The following ATP8A2 variants were observed in gnomAD, a reference collection of about 807,000 sequenced individuals.
ATP8A2 encodes phospholipid-transporting ATPase IB.
A neutral mutation model predicts 165.6 loss-of-function variants in ATP8A2; 100 were observed. The observed-to-expected ratio is 0.60, with a 90% CI of 0.51 to 0.71. ATP8A2 has a LOEUF of 0.71. Ranked by LOEUF, ATP8A2 falls within the 30% of genes least tolerant of loss-of-function variation. ATP8A2 has a pLI of 0.00. For synonymous variants in ATP8A2, 543 were observed against 548.8 expected (o/e 0.99, Z 0.15); for missense variants, 1,227 against 1,479.5 (o/e 0.83, Z 2.80).
intron 16 of ATP8A2, 23 bp from the exon 17 acceptor site, chr13:25,570,744 C>T: frequency 1.3e-6 from 2 of 1,597,054 alleles, no homozygotes; most frequent in Non-Finnish European, 1.7e-6. Context: ...GTATCTGACA[C>T]TAATCCCGCC....
At chr13:25,876,134 CG>C (rs760824442) in intron 33 of ATP8A2, among the ~76,000 whole-genome samples, 11 of 152,094 alleles carry the variant, frequency 7.2e-5, no homozygotes, top group Non-Finnish European at 1.6e-4. Context: ...GATGATTTCA[CG>C]GAAGAAATAG....
chr13:25,878,680 A>G (rs958741863), intron 33 of ATP8A2, among the ~76,000 whole-genome samples: 2 of 151,988 alleles, frequency 1.3e-5, no homozygotes, highest in African/African-American at 2.4e-5. Context: ...AGTAGGTCTC[A>G]GCTTCATTTT....
rs41291658 is a variant in ATP8A2, at chr13:26,023,485, G to A, written c.*3500G>A. The A allele has an allele frequency of 0.036, 5,409 of 151,768 alleles. 128 individuals are homozygous for A. Among genetic ancestry groups the A allele is most frequent in the Non-Finnish European group, 0.053 (3,580 of 67,996 alleles). 9.4% of individuals were successfully genotyped at this position (151,768 alleles called of 1,614,324 possible). A position where few individuals can be genotyped will look rare whatever the true frequency, so the allele number is the denominator to read the frequency against. ...CTTGTCAAGAAGCAGTGAAAAATGC[G>A]GGGGGGTGGAAAGAGCCTAGGTAAC... On this transcript the variant is annotated 3_prime_UTR_variant, in exon 37 of 37. Transcript: ENST00000381655.
chr13:26,005,642 A>T (rs569513754), intron 35 of ATP8A2, among the ~76,000 whole-genome samples: 1 of 152,038 alleles, frequency 6.6e-6, no homozygotes, highest in East Asian at 1.9e-4. Context: ...TTCCATTTTC[A>T]TTTGTTTCAA....
intron 24 of ATP8A2, among the ~76,000 whole-genome samples, chr13:25,601,437 T>C (rs373425831): frequency 1.3e-5 from 2 of 152,294 alleles, no homozygotes; most frequent in East Asian, 3.9e-4. Flanking sequence ...AAAAGATATG[T>C]TTAGAAATAA....
chr13:25,466,734 T>C (rs961235986), intron 1 of ATP8A2, among the ~76,000 whole-genome samples: 3 of 152,180 alleles, frequency 2.0e-5, no homozygotes, highest in Non-Finnish European at 4.4e-5. Flanking sequence ...GTAATACTAA[T>C]GCACAGGGGA....
chr13:25,658,298 A>G (rs1366559234), intron 24 of ATP8A2, among the ~76,000 whole-genome samples: 1 of 152,146 alleles, frequency 6.6e-6, no homozygotes, highest in Non-Finnish European at 1.5e-5. Context: ...ATGACCAGAC[A>G]TTCCCCTTGC....
chr13:25,859,037 T>C (rs1952256652), intron 30 of ATP8A2, among the ~76,000 whole-genome samples: 1 of 151,988 alleles, frequency 6.6e-6, no homozygotes, highest in Admixed American at 6.5e-5. Context: ...ACCCTGTCTC[T>C]ACTAAAAATA....
chr13:25,810,198 C>A (rs76067251), intron 27 of ATP8A2, among the ~76,000 whole-genome samples: 3,869 of 152,272 alleles, frequency 0.025, 172 homozygotes, highest in African/African-American at 0.088. Flanking sequence ...CTTACTGTTT[C>A]TGAATTTACC....
At chr13:25,460,737 A>G (rs953475855) in intron 1 of ATP8A2, among the ~76,000 whole-genome samples, 1 of 152,200 alleles carries the variant, frequency 6.6e-6, no homozygotes, top group Non-Finnish European at 1.5e-5. Context: ...TTGTAAATAA[A>G]GTATCACCAG....
chr13:25,773,943 G>A (rs1443107828), intron 26 of ATP8A2, among the ~76,000 whole-genome samples: 3 of 152,168 alleles, frequency 2.0e-5, no homozygotes, highest in Non-Finnish European at 4.4e-5. Context: ...GTTAGTGGAA[G>A]TAGTGTATGT....
chr13:25,954,084 C>A (rs1361707234), intron 33 of ATP8A2, among the ~76,000 whole-genome samples: 3 of 152,198 alleles, frequency 2.0e-5, no homozygotes, highest in African/African-American at 7.2e-5. Context: ...CCCGACGGAG[C>A]CCAACAAGCT....
At chr13:25,445,929 G>T (rs2035056247) in intron 1 of ATP8A2, among the ~76,000 whole-genome samples, 1 of 152,106 alleles carries the variant, frequency 6.6e-6, no homozygotes, top group Non-Finnish European at 1.5e-5. Context: ...CTACTTACTG[G>T]GAACCTGGAC....
intron 2 of ATP8A2, among the ~76,000 whole-genome samples, chr13:25,498,737 T>C (rs2036756650): frequency 6.6e-6 from 1 of 152,354 alleles, no homozygotes; most frequent in East Asian, 1.9e-4. Context: ...GAGAACATAC[T>C]ATGTCCCCGA....
At chr13:25,559,627 G>A in intron 14 of ATP8A2, 94 bp from the exon 15 acceptor site, 1 of 923,280 alleles carries the variant, frequency 1.1e-6, no homozygotes. Flanking sequence ...CTGTAAGTTT[G>A]TATATCTAAT....
rs1254209951 is a variant in ATP8A2, at chr13:25,544,498, CAG to C, written c.891+1097_891+1098del. On this transcript the variant is annotated intron_variant, in intron 10 of 36. Transcript: ENST00000381655. ...CCGCAGCTAGTAAACACATTGGAGA[CAG>C]GGAGGAGAGATGGGATTAGAAGGGT... 6.6e-5 allele frequency among the ~76,000 whole-genome samples: 10 copies of C among 152,248 alleles called. No homozygotes were observed. In the East Asian group the frequency reaches 1.7e-3, roughly 26 times the overall value.
chr13:25,512,293 C>G (rs1213026676), intron 2 of ATP8A2, among the ~76,000 whole-genome samples: 1 of 152,176 alleles, frequency 6.6e-6, no homozygotes, highest in Non-Finnish European at 1.5e-5. Flanking sequence ...TCTACACAGA[C>G]ACGGCAACCA....
chr13:25,937,370 T>C (rs796767106), intron 33 of ATP8A2, among the ~76,000 whole-genome samples: 1 of 132,458 alleles, frequency 7.5e-6, no homozygotes, highest in Non-Finnish European at 1.6e-5. Context: ...TTCTTTTTTT[T>C]TTTTTTTTTG....
intron 33 of ATP8A2, among the ~76,000 whole-genome samples, chr13:25,920,261 T>C (rs938239000): frequency 6.6e-6 from 1 of 152,140 alleles, no homozygotes; most frequent in Non-Finnish European, 1.5e-5. Context: ...TCCTGAATGG[T>C]CCTTGTACTC....
Sources: gnomAD v4.1 joint callset for allele counts (sites outside exome capture counted in the v4.1 genomes callset) on GRCh38, gnomAD v4.1.1 for gene constraint, MANE v1.5 for transcripts, NCBI Gene and HGNC (gene_info 2026-07-23, HGNC 2026-07-21) for gene names.